The following MEIS1 variants were observed in gnomAD, a reference collection of about 807,000 sequenced individuals.
The protein encoded by MEIS1 is homeobox protein Meis1.
A neutral mutation model predicts 50.8 loss-of-function variants in MEIS1; 5 were observed. That is an observed-to-expected ratio of 0.10 (90% confidence interval 0.05 to 0.21). The LOEUF (loss-of-function observed/expected upper bound fraction) is 0.21. MEIS1 is among the 10% of genes least tolerant of loss of function. The pLI, the probability that MEIS1 is intolerant of heterozygous loss-of-function variation, is 1.00. For missense variants in MEIS1, 318 were observed against 517.3 expected (o/e 0.61, Z 3.74); for synonymous variants, 176 against 179.3 (o/e 0.98, Z 0.15).
chr2:66,503,320 G>T (rs1056741969), intron 7 of MEIS1, among the ~76,000 whole-genome samples: 3 of 152,112 alleles, frequency 2.0e-5, no homozygotes, highest in African/African-American at 4.8e-5. Context: ...TGCTTTCCCA[G>T]GTTCCAGTTC....
At chr2:66,475,513 A>G (rs10192756) in intron 7 of MEIS1, among the ~76,000 whole-genome samples, 24,142 of 151,896 alleles carry the variant, frequency 0.16, 4,605 homozygotes, top group African/African-American at 0.46. Flanking sequence ...GGGTAGTACC[A>G]AGCAATATAA....
intron 7 of MEIS1, among the ~76,000 whole-genome samples, chr2:66,469,345 C>T (rs1326717666): frequency 6.6e-6 from 1 of 152,140 alleles, no homozygotes; most frequent in Non-Finnish European, 1.5e-5. Flanking sequence ...TCCAGGCAAC[C>T]TATAGGCAGA....
chr2:66,468,744 G>A (rs62143993), intron 7 of MEIS1, among the ~76,000 whole-genome samples: 13 of 152,268 alleles, frequency 8.5e-5, no homozygotes, highest in African/African-American at 2.6e-4. Context: ...TGAACCTGGC[G>A]CTGTGCTCCG....
intron 8 of MEIS1, among the ~76,000 whole-genome samples, chr2:66,547,333 C>A (rs1163578934): frequency 6.6e-6 from 1 of 152,014 alleles, no homozygotes; most frequent in Non-Finnish European, 1.5e-5. Flanking sequence ...CTTATATTGG[C>A]CTGTGTTCAG....
intron 7 of MEIS1, among the ~76,000 whole-genome samples, chr2:66,499,633 T>G (rs894497291): frequency 6.7e-6 from 1 of 149,956 alleles, no homozygotes; most frequent in African/African-American, 2.5e-5. Context: ...ATCATAGTGC[T>G]CATTGCTGTG....
rs1463910743 is a variant in MEIS1, at chr2:66,573,398, C to A, written c.*2190C>A. ...GGCAAATTCGTTTTAAAAAATAAGCCTTTCAGTAGTGATTGCTTTGTAAAC... is the reference window on the plus strand; with the variant it reads ...GGCAAATTCGTTTTAAAAAATAAGCATTTCAGTAGTGATTGCTTTGTAAAC... On this transcript the variant is annotated 3_prime_UTR_variant, in exon 13 of 13. Transcript: ENST00000272369. The A allele has an allele frequency of 1.3e-5, 2 of 152,116 alleles. No individual in the cohort carries two copies. Among genetic ancestry groups the A allele is most frequent in the Non-Finnish European group, 2.9e-5 (2 of 68,034 alleles). 9.4% of individuals were successfully genotyped at this position (152,116 alleles called of 1,614,324 possible). A position where few individuals can be genotyped will look rare whatever the true frequency, so the allele number is the denominator to read the frequency against.
intron 8 of MEIS1, among the ~76,000 whole-genome samples, chr2:66,532,389 A>G (rs1414818104): frequency 1.1e-5 from 1 of 93,838 alleles, no homozygotes; most frequent in Non-Finnish European, 2.3e-5. Context: ...CACTTTACTG[A>G]ACATGTATCC....
At chr2:66,568,639 T>TA (rs1282279046) in intron 10 of MEIS1, 28 bp from the exon 11 acceptor site, 3 of 1,588,788 alleles carry the variant, frequency 1.9e-6, no homozygotes, top group Non-Finnish European at 2.6e-6. Flanking sequence ...AGACTGTTAT[T>TA]AAAAAACCAC....
At chr2:66,441,156 G>C (rs948161439) in intron 4 of MEIS1, 1 of 455,492 alleles carries the variant, frequency 2.2e-6, no homozygotes, top group African/African-American at 2.1e-5. Flanking sequence ...ACTGAGAAAG[G>C]GGAGAGCCAT....
chr2:66,506,394 A>G (rs1673685279), intron 7 of MEIS1, among the ~76,000 whole-genome samples: 1 of 152,138 alleles, frequency 6.6e-6, no homozygotes, highest in African/African-American at 2.4e-5. Flanking sequence ...TAGGATAAGG[A>G]AATGCAAAGA....
chr2:66,535,976 G>T (rs1674508259), intron 8 of MEIS1, among the ~76,000 whole-genome samples: 1 of 152,192 alleles, frequency 6.6e-6, no homozygotes, highest in African/African-American at 2.4e-5. Flanking sequence ...ATGAAAATTA[G>T]CTTAGTAAAG....
At chr2:66,523,083 G>A (rs1040912514) in intron 8 of MEIS1, among the ~76,000 whole-genome samples, 17 of 152,146 alleles carry the variant, frequency 1.1e-4, no homozygotes, top group African/African-American at 2.9e-4. Flanking sequence ...TTCCTAATTC[G>A]TTTTTACACT....
chr2:66,571,473 C>A lies in MEIS1; in HGVS notation c.*265C>A. On this transcript the variant is annotated 3_prime_UTR_variant, in exon 13 of 13. Coordinates refer to ENST00000272369, the MANE Select transcript of MEIS1 (RefSeq NM_002398.3). ...AATGTCAGCATCAAGCCCCACAGTTCTTAATACAGGAGACCCAACAATGAG... is the reference window on the plus strand; with the variant it reads ...AATGTCAGCATCAAGCCCCACAGTTATTAATACAGGAGACCCAACAATGAG... 1 of 1,596,382 alleles carries A rather than the reference C, an allele frequency of 6.3e-7. No individual in the cohort carries two copies. The highest frequency in any genetic ancestry group is 8.5e-7 in the Non-Finnish European group (1 of 1,171,690).
chr2:66,456,666 T>C (rs1355489514), intron 6 of MEIS1, among the ~76,000 whole-genome samples: 2 of 152,218 alleles, frequency 1.3e-5, no homozygotes, highest in African/African-American at 2.4e-5. Context: ...CTGGCAGGGC[T>C]TACAGACTTG....
intron 7 of MEIS1, among the ~76,000 whole-genome samples, chr2:66,480,629 TG>T (rs34665805): frequency 0.097 from 14,738 of 152,220 alleles, 1,405 homozygotes; most frequent in African/African-American, 0.25. Context: ...AGACAAGTCT[TG>T]GGTACGTTTT....
At position 66,567,531 on chromosome 2, in the gene MEIS1, T is replaced by A. The variant is rs760426572; in HGVS notation, c.1024+20T>A. 3 of 1,612,834 alleles carry A rather than the reference T, an allele frequency of 1.9e-6. No homozygotes were observed. The highest frequency in any genetic ancestry group is 1.7e-5 in the Admixed American group (1 of 59,860). ...GAGCAGGCAAGTCCCCCATAGTGAC[T>A]GTATTCAAGTCACGCAAGCGAAAAC... On this transcript the variant is annotated intron_variant, in intron 10 of 12. Transcript: ENST00000272369.
intron 7 of MEIS1, among the ~76,000 whole-genome samples, chr2:66,484,041 T>C (rs983493153): frequency 1.4e-4 from 22 of 152,214 alleles, no homozygotes; most frequent in African/African-American, 5.1e-4. Flanking sequence ...CTTAGCATTA[T>C]GGATAAACTT....
intron 6 of MEIS1, among the ~76,000 whole-genome samples, chr2:66,453,438 A>G (rs1672319030): frequency 1.3e-5 from 2 of 151,986 alleles, no homozygotes; most frequent in Non-Finnish European, 2.9e-5. Context: ...TCTCTTAGTT[A>G]AGTATCTTGA....
chr2:66,475,662 C>G (rs1387371758), intron 7 of MEIS1, among the ~76,000 whole-genome samples: 1 of 152,148 alleles, frequency 6.6e-6, no homozygotes, highest in Non-Finnish European at 1.5e-5. Context: ...ATCGATTTGA[C>G]CAGCATTAAG....
Sources: gnomAD v4.1 joint callset for allele counts (sites outside exome capture counted in the v4.1 genomes callset) on GRCh38, gnomAD v4.1.1 for gene constraint, MANE v1.5 for transcripts, NCBI Gene and HGNC (gene_info 2026-07-23, HGNC 2026-07-21) for gene names.